The following STRN variants were observed in gnomAD, a reference collection of about 807,000 sequenced individuals.
The protein encoded by STRN is striatin, also known as protein phosphatase 2 regulatory subunit B'''alpha.
In STRN, 53 loss-of-function variants were observed where a neutral mutation model predicts 96.3. The observed-to-expected ratio is 0.55, with a 90% CI of 0.44 to 0.69. STRN has a LOEUF of 0.69. Among genes scored for constraint, STRN ranks in the 30% least tolerant of loss-of-function variants. The probability of loss-of-function intolerance (pLI) is 0.00; values close to 1 mark genes in which losing one functional copy is unlikely to be tolerated. For synonymous variants in STRN, 428 were observed against 355.9 expected, an observed-to-expected ratio of 1.20 and a Z score of -2.28; for missense variants, 987 against 963.9, an observed-to-expected ratio of 1.02 and a Z score of -0.32.
rs1668032967 is a variant in STRN at position 36,844,975 on chromosome 2, C to CA, written c.*4480dup. ...TGTATACAACCTGAATCCCAGTGTC[C>CA]AACACTTAAAAGTACTGCAATTATA... On this transcript the variant is annotated 3_prime_UTR_variant, in exon 18 of 18. Transcript: ENST00000263918. 1 of 151,984 alleles carries CA rather than the reference C, an allele frequency of 6.6e-6. No individual in the cohort carries two copies. The highest frequency in any genetic ancestry group is 2.4e-5 in the African/African-American group (1 of 41,368). 9.4% of individuals were successfully genotyped at this position (151,984 alleles called of 1,614,324 possible). A position where few individuals can be genotyped will look rare whatever the true frequency, so the allele number is the denominator to read the frequency against.
At chr2:36,904,474 C>G (rs1457639377) in intron 4 of STRN, among the ~76,000 whole-genome samples, 1 of 152,146 alleles carries the variant, frequency 6.6e-6, no homozygotes, top group East Asian at 1.9e-4. Context: ...CTCTTGATAT[C>G]AGAACCTCAA....
chr2:36,861,343 A>G, intron 12 of STRN, 90 bp from the exon 13 acceptor site: 1 of 1,502,242 alleles, frequency 6.7e-7, no homozygotes, highest in African/African-American at 1.4e-5. Context: ...TTAATTACCC[A>G]AATGGCTATT....
chr2:36,855,691 G>A (rs1249015604), intron 14 of STRN, among the ~76,000 whole-genome samples: 1 of 152,072 alleles, frequency 6.6e-6, no homozygotes, highest in Non-Finnish European at 1.5e-5. Flanking sequence ...GTGACATAGT[G>A]GGAATTCTTC....
intron 12 of STRN, among the ~76,000 whole-genome samples, chr2:36,865,329 T>A (rs1414052471): frequency 6.6e-6 from 1 of 152,244 alleles, no homozygotes; most frequent in African/African-American, 2.4e-5. Context: ...ATATTACATT[T>A]ATCATTTCTG....
At chr2:36,918,396 A>G (rs1670166611) in intron 2 of STRN, among the ~76,000 whole-genome samples, 1 of 152,098 alleles carries the variant, frequency 6.6e-6, no homozygotes, top group African/African-American at 2.4e-5. Context: ...TAGTCTGAAG[A>G]CAGATTATAT....
In STRN at chr2:36,901,711, T is replaced by C. The variant is rs77956055; in HGVS notation, c.659+873A>G. ...ACAAATATAAGTTAATGTATGTTTT[T>C]AATACAGCCTACAAAGTTGGAAATG... On this transcript the variant is annotated intron_variant, in intron 5 of 17. Transcript: ENST00000263918. Among the ~76,000 whole-genome samples the C allele has an allele frequency of 9.9e-3, 1,511 of 152,304 alleles. 39 individuals are homozygous for C. Among genetic ancestry groups the C allele is most frequent in the African/African-American group, 0.035 (1,448 of 41,568 alleles).
At chr2:36,862,970 G>A (rs1368925878) in intron 12 of STRN, among the ~76,000 whole-genome samples, 3 of 152,064 alleles carry the variant, frequency 2.0e-5, no homozygotes, top group East Asian at 1.9e-4. Context: ...TGATCCGCCC[G>A]CCTCGGCCTC....
At chr2:36,881,213 C>T (rs999231115) in intron 9 of STRN, among the ~76,000 whole-genome samples, 1 of 151,128 alleles carries the variant, frequency 6.6e-6, no homozygotes, top group Non-Finnish European at 1.5e-5. Context: ...CTGCAACCTC[C>T]GCCTCCTGGG....
chr2:36,886,872 T>C (rs765238294), intron 7 of STRN, 46 bp from the exon 8 acceptor site: 10 of 1,486,798 alleles, frequency 6.7e-6, no homozygotes, highest in Non-Finnish European at 9.3e-6. Flanking sequence ...AATAAAATAT[T>C]GAACACTCTG....
intron 10 of STRN, among the ~76,000 whole-genome samples, chr2:36,876,899 C>A (rs1369159962): frequency 6.6e-6 from 1 of 151,992 alleles, no homozygotes; most frequent in Non-Finnish European, 1.5e-5. Context: ...AGGCGCCTGC[C>A]ACCACGCCTG....
intron 1 of STRN, among the ~76,000 whole-genome samples, chr2:36,945,566 C>A (rs914891025): frequency 2.0e-5 from 3 of 151,978 alleles, no homozygotes; most frequent in African/African-American, 7.3e-5. Context: ...ACTCAGGAGG[C>A]TGAGGCAAGA....
chr2:36,855,400 G>C, intron 14 of STRN, 48 bp from the exon 15 acceptor site: 1 of 1,598,790 alleles, frequency 6.3e-7, no homozygotes, highest in East Asian at 2.2e-5. Flanking sequence ...CCATCTACTT[G>C]ACAATCTGCT....
chr2:36,857,777 A>C, intron 14 of STRN, 79 bp downstream of exon 14: 2 of 1,209,160 alleles, frequency 1.7e-6, no homozygotes, highest in Non-Finnish European at 2.3e-6. Context: ...GAGTTCAGGG[A>C]ATCATTTATC....
chr2:36,910,880 T>C (rs1053145535), intron 3 of STRN, among the ~76,000 whole-genome samples: 17 of 152,082 alleles, frequency 1.1e-4, no homozygotes, highest in Non-Finnish European at 5.9e-5. Context: ...CATTTTAACA[T>C]AGCCTGAGAT....
At chr2:36,907,960 C>T (rs13401327) in intron 3 of STRN, among the ~76,000 whole-genome samples, 12,071 of 151,722 alleles carry the variant, frequency 0.08, 752 homozygotes, top group African/African-American at 0.17. Flanking sequence ...GCTAATTACT[C>T]TGTGATAACT....
At chr2:36,903,464 T>C (rs1440456777) in intron 4 of STRN, among the ~76,000 whole-genome samples, 2 of 152,150 alleles carry the variant, frequency 1.3e-5, no homozygotes, top group African/African-American at 2.4e-5. Context: ...ACCTGGCATA[T>C]AGAAAGGACT....
chr2:36,858,264 C>G (rs1267769325), intron 13 of STRN, among the ~76,000 whole-genome samples: 1 of 151,924 alleles, frequency 6.6e-6, no homozygotes, highest in African/African-American at 2.4e-5. Context: ...CTTAAAAAAA[C>G]TGAGTATTTC....
chr2:36,905,617 A>C lies in STRN; in HGVS notation c.414T>G (p.Asp138Glu). ...GDMKPPSYDS[D>E]EGNETEVQPQ... ...GCTGCACTTCTGTTTCATTACCTTC[A>C]TCTAGAAAACATTAAGTCATAATAA... The change falls in exon 4 of 18, where the codon GAT (aspartate) becomes GAG (glutamate). Residue 138 changes from aspartate (D) to glutamate (E), a missense_variant and splice_region_variant. Transcript: ENST00000263918. 1.2e-6 allele frequency: 2 copies of C among 1,612,650 alleles called. No homozygotes were observed. Among genetic ancestry groups the C allele is most frequent in the Admixed American group, 1.7e-5 (1 of 60,018 alleles).
At chr2:36,909,003 A>AAAC (rs66462605) in intron 3 of STRN, among the ~76,000 whole-genome samples, 3 of 144,050 alleles carry the variant, frequency 2.1e-5, no homozygotes, top group Non-Finnish European at 4.6e-5. Context: ...CCCCAGAAAA[A>AAAC]AAAATAGCTG....
Sources: gnomAD v4.1 joint callset for allele counts (sites outside exome capture counted in the v4.1 genomes callset) on GRCh38, gnomAD v4.1.1 for gene constraint, MANE v1.5 for transcripts, NCBI Gene and HGNC (gene_info 2026-07-23, HGNC 2026-07-21) for gene names.